Variants in AXIN1 observed in about 807,000 individuals in gnomAD.
AXIN1 encodes axin-1.
A neutral mutation model predicts 76.4 loss-of-function variants in AXIN1; 30 were observed. The observed-to-expected ratio is 0.39, with a 90% confidence interval of 0.29 to 0.53. The LOEUF (loss-of-function observed/expected upper bound fraction) is 0.53. AXIN1 is among the 20% of genes least tolerant of loss of function. The pLI is 0.66. For missense variants in AXIN1, 1,140 were observed against 1,198.8 expected (o/e 0.95, Z 0.72); for synonymous variants, 545 against 501.4 (o/e 1.09, Z -1.16).
chr16:330,721 G>A (rs2141655253), intron 2 of AXIN1, among the ~76,000 whole-genome samples: 1 of 152,280 alleles, frequency 6.6e-6, no homozygotes, highest in Middle Eastern at 3.4e-3. Flanking sequence ...CATTTAAAAA[G>A]TAGAACAAAA....
intron 5 of AXIN1, among the ~76,000 whole-genome samples, chr16:302,670 A>AAG (rs964128537): frequency 1.3e-4 from 20 of 152,316 alleles, no homozygotes; most frequent in African/African-American, 4.3e-4. Context: ...TAGCGGGTGA[A>AAG]AGAGTGAGTG....
chr16:301,483 G>A (rs575403968), intron 5 of AXIN1, among the ~76,000 whole-genome samples: 17 of 152,054 alleles, frequency 1.1e-4, no homozygotes, highest in South Asian at 2.1e-4. Context: ...CTGTGGCTAC[G>A]CCTGCCTTTA....
intron 2 of AXIN1, among the ~76,000 whole-genome samples, chr16:338,086 C>T (rs971536329): frequency 6.6e-6 from 1 of 152,216 alleles, no homozygotes; most frequent in African/African-American, 2.4e-5. Context: ...AGCCAACAGG[C>T]GGCCCTCTCT....
intron 2 of AXIN1, among the ~76,000 whole-genome samples, chr16:337,594 TCA>T (rs998474880): frequency 1.3e-5 from 2 of 150,522 alleles, no homozygotes; most frequent in Admixed American, 6.6e-5. Flanking sequence ...CCACTGCAGC[TCA>T]CAGTGAGGAC....
Position 346,405 on chromosome 16 carries a change from A to G in AXIN1, c.621T>C (p.Tyr207=), listed in dbSNP as rs1422947373. Residue 207 remains tyrosine, a synonymous_variant, in exon 2 of 11, where the codon TAT becomes TAC. Coordinates refer to ENST00000262320, the MANE Select transcript of AXIN1 (RefSeq NM_003502.4). ...CCGAGCCTGTCCTCGTATATTCCAA[A>G]TAAATATCAGACTTAAGGAAGGAGG... ...TYPSFLKSDI[Y]LEYTRTGSES... The G allele has an allele frequency of 1.2e-6, 2 of 1,614,052 alleles. No individual in the cohort carries two copies. Among genetic ancestry groups the G allele is most frequent in the African/African-American group, 2.7e-5 (2 of 74,914 alleles).
At chr16:296,960 T>C in intron 7 of AXIN1, 96 bp downstream of exon 7, 1 of 1,449,308 alleles carries the variant, frequency 6.9e-7, no homozygotes, top group Non-Finnish European at 9.6e-7. Flanking sequence ...CAGGCGACAC[T>C]CGCCACACAC....
At chr16:288,622 A>G (rs1325518263) in intron 10 of AXIN1, among the ~76,000 whole-genome samples, 1 of 152,210 alleles carries the variant, frequency 6.6e-6, no homozygotes, top group African/African-American at 2.4e-5. Context: ...CCACATCTGC[A>G]GTCATGGGGT....
chr16:324,204 G>T (rs562860273), intron 2 of AXIN1, among the ~76,000 whole-genome samples: 1 of 150,858 alleles, frequency 6.6e-6, no homozygotes, highest in African/African-American at 2.5e-5. Flanking sequence ...GTCTTTACGG[G>T]TCTTCCGGGC....
In AXIN1 at chr16:323,659, T is replaced by C. The variant is rs1052461611; in HGVS notation, c.879-8976A>G. On this transcript the variant is annotated intron_variant, in intron 2 of 10. Transcript: ENST00000262320. ...AGCCAAGCGTGGTGGCAGGTGCCTG[T>C]AGTCCCAGCTACTCGGGAGTCTGAG... Among the ~76,000 whole-genome samples, 115 of 151,606 alleles carry C rather than the reference T, an allele frequency of 7.6e-4. 2 individuals are homozygous for C. Among genetic ancestry groups the C allele is most frequent in the South Asian group, 2.1e-4 (1 of 4,802 alleles).
chr16:296,373 C>G (rs1416264624), intron 7 of AXIN1, among the ~76,000 whole-genome samples: 1 of 152,256 alleles, frequency 6.6e-6, no homozygotes. Context: ...GGCCATCCAC[C>G]CACCAGGGCC....
In AXIN1 at chr16:288,146, G is replaced by A. The variant is rs150808160; in HGVS notation, c.2565C>T (p.Ile855=). The part of the protein sequence containing the change: ...AVLPVFEEKI[I]GKVEKVD Reference sequence around the variant, plus strand: ...ATCAGTCCACCTTCTCCACTTTGCCGATGATCTTCTCCTCAAAGACGGGCA... The same window carrying A: ...ATCAGTCCACCTTCTCCACTTTGCCAATGATCTTCTCCTCAAAGACGGGCA... Residue 855 remains isoleucine, a synonymous_variant, in exon 11 of 11, where the codon ATC becomes ATT. Transcript: ENST00000262320. The A allele has an allele frequency of 5.6e-4, 903 of 1,613,504 alleles. 2 individuals carry two copies. The highest frequency in any genetic ancestry group is 1.3e-3 in the Middle Eastern group (8 of 6,062).
At position 320,762 on chromosome 16, in the gene AXIN1, C is replaced by G. The variant is rs1468131503; in HGVS notation, c.879-6079G>C. Among the ~76,000 whole-genome samples, 8 of 53,066 alleles carry G rather than the reference C, an allele frequency of 1.5e-4. No homozygotes were observed. In the South Asian group the frequency reaches 3.3e-3, roughly 22 times the overall value. The allele number at this position is 53,066 out of a possible 152,430, so 34.8% of individuals were successfully genotyped here. On this transcript the variant is annotated intron_variant, in intron 2 of 10. Coordinates refer to ENST00000262320, the MANE Select transcript of AXIN1 (RefSeq NM_003502.4). Reference sequence around the variant, plus strand: ...ATATATATTTTTTTTTTTTTTGAGACGGAGCCTCGCTCTTTCGCCCAGACT... The same window carrying G: ...ATATATATTTTTTTTTTTTTTGAGAGGGAGCCTCGCTCTTTCGCCCAGACT...
chr16:296,262 GC>G (rs905439070), intron 7 of AXIN1, among the ~76,000 whole-genome samples: 1 of 152,270 alleles, frequency 6.6e-6, no homozygotes, highest in African/African-American at 2.4e-5. Context: ...GCGCTCAGCT[GC>G]CTCACAAGTT....
chr16:316,371 C>T (rs189574276), intron 2 of AXIN1, among the ~76,000 whole-genome samples: 11 of 152,314 alleles, frequency 7.2e-5, no homozygotes, highest in Admixed American at 3.9e-4. Flanking sequence ...TAATTTTAAG[C>T]GCCTCTCTCC....
At position 288,001 on chromosome 16, in the gene AXIN1, G is replaced by A. The variant is rs890497485; in HGVS notation, c.*121C>T. ...CCTCTAGACACGGGTAGACCACAGG[G>A]ATGGGTGGTACACCCAACACTGTTC... is the stretch of plus-strand genomic sequence containing the variant. On this transcript the variant is annotated 3_prime_UTR_variant, in exon 11 of 11. Coordinates refer to ENST00000262320, the MANE Select transcript of AXIN1 (RefSeq NM_003502.4). 6.6e-7 allele frequency: 1 copy of A among 1,522,322 alleles called. No individual in the cohort carries two copies. Among genetic ancestry groups the A allele is most frequent in the African/African-American group, 1.4e-5 (1 of 73,352 alleles). The allele number at this position is 1,522,322 out of a possible 1,614,324, so 94.3% of individuals were successfully genotyped here.
At chr16:317,761 T>C (rs944965114) in intron 2 of AXIN1, among the ~76,000 whole-genome samples, 7 of 152,244 alleles carry the variant, frequency 4.6e-5, no homozygotes, top group African/African-American at 1.7e-4. Context: ...GACACCATTA[T>C]TCCTTTGATA....
chr16:322,901 G>C (rs1483398425), intron 2 of AXIN1, among the ~76,000 whole-genome samples: 1 of 152,250 alleles, frequency 6.6e-6, no homozygotes, highest in Non-Finnish European at 1.5e-5. Context: ...CTGCGTCCCA[G>C]CTCTGGTCTG....
intron 9 of AXIN1, chr16:290,915 C>T: frequency 1.9e-6 from 1 of 536,134 alleles, no homozygotes; most frequent in Non-Finnish European, 3.4e-6. Context: ...GCCGTGACAC[C>T]TGTGTGGATG....
chr16:324,738 A>AGT (rs972085712), intron 2 of AXIN1, among the ~76,000 whole-genome samples: 1 of 152,176 alleles, frequency 6.6e-6, no homozygotes, highest in Non-Finnish European at 1.5e-5. Context: ...AGACACGGCC[A>AGT]GTGCCATCAG....
Sources: gnomAD v4.1 joint callset for allele counts (sites outside exome capture counted in the v4.1 genomes callset) on GRCh38, gnomAD v4.1.1 for gene constraint, MANE v1.5 for transcripts, NCBI Gene and HGNC (gene_info 2026-07-23, HGNC 2026-07-21) for gene names.